ANKRD60: variants seen among roughly 807,000 people sequenced by gnomAD.
ANKRD60 encodes the protein ankyrin repeat domain 60.
Under a neutral mutation model 21.3 loss-of-function variants are expected in ANKRD60, and 24 were observed. The ratio of observed to expected loss-of-function variants is 1.13; its 90% CI spans 0.82 to 1.59. The LOEUF (loss-of-function observed/expected upper bound fraction) is 1.59, where lower values mean the gene tolerates loss of function less well. Ranked by LOEUF, ANKRD60 falls within the 40% of genes most tolerant of loss-of-function variation. The pLI is 0.00. For missense variants in ANKRD60, 490 were observed against 466.7 expected (o/e 1.05, Z -0.46); for synonymous variants, 182 against 199.4 (o/e 0.91, Z 0.74).
At chr20:58,223,060 G>T in exon 2 of ANKRD60, 1 of 1,547,626 alleles carries the variant, frequency 6.5e-7, no homozygotes, top group Non-Finnish European at 8.7e-7. Flanking sequence ...ACCTTGCTGG[G>T]ATCCCCTTCC....
Position 58,228,471 on chromosome 20 carries a change from G to C in ANKRD60, c.183C>G (p.Leu61=), listed in dbSNP as rs974659266. Residue 61 remains leucine (L), a synonymous_variant, in exon 1 of 4, where the codon CTC becomes CTG. Coordinates refer to ENST00000457363, the Ensembl canonical transcript of ANKRD60. The surrounding 1 kb of genome is among the most constrained non-coding windows in gnomAD (Gnocchi z 5.3). ...GGGCACAGGCCAGGGGCTGCGCGGGGAGGGCCCGCGAGTCCGCCGAGCCCA... is the reference window on the plus strand; with the variant it reads ...GGGCACAGGCCAGGGGCTGCGCGGGCAGGGCCCGCGAGTCCGCCGAGCCCA... 9.9e-6 allele frequency: 15 copies of C among 1,514,614 alleles called. No homozygotes were observed. Among genetic ancestry groups the C allele is most frequent in the Non-Finnish European group, 1.3e-5 (15 of 1,137,330 alleles). The allele number at this position is 1,514,614 out of a possible 1,614,324, so 93.8% of individuals were successfully genotyped here.
chr20:58,219,270 G>A (rs1182445505), intron 3 of ANKRD60, among the ~76,000 whole-genome samples: 2 of 152,054 alleles, frequency 1.3e-5, no homozygotes, highest in Non-Finnish European at 2.9e-5. Context: ...TCTTTCCTTG[G>A]GAAAATCTTC....
chr20:58,226,686 G>C (rs1228395517), intron 1 of ANKRD60, among the ~76,000 whole-genome samples: 1 of 152,066 alleles, frequency 6.6e-6, no homozygotes, highest in Admixed American at 6.5e-5. Context: ...TGAGCTTTGG[G>C]GTCCTGCTGT....
At chr20:58,224,146 G>C (rs1043830645) in intron 1 of ANKRD60, among the ~76,000 whole-genome samples, 7 of 151,920 alleles carry the variant, frequency 4.6e-5, no homozygotes, top group African/African-American at 1.7e-4. Flanking sequence ...GGCTCTGGGG[G>C]ACAAAATCTC....
At chr20:58,224,000 G>A (rs145528584) in intron 1 of ANKRD60, among the ~76,000 whole-genome samples, 2,477 of 152,226 alleles carry the variant, frequency 0.016, 33 homozygotes, top group Middle Eastern at 0.037. Context: ...TACTCAGGAG[G>A]CTGAGGTGGG....
At chr20:58,225,334 T>G (rs1042265495) in intron 1 of ANKRD60, among the ~76,000 whole-genome samples, 1 of 152,236 alleles carries the variant, frequency 6.6e-6, no homozygotes, top group Non-Finnish European at 1.5e-5. Context: ...GTTTGGGAAC[T>G]CTTACTAAGT....
intron 3 of ANKRD60, among the ~76,000 whole-genome samples, chr20:58,220,341 T>A (rs1158782310): frequency 6.6e-6 from 1 of 152,186 alleles, no homozygotes; most frequent in Non-Finnish European, 1.5e-5. Context: ...CCGCATTGAG[T>A]GGTCTGCATC....
At chr20:58,222,493 C>T (rs1416775515) in intron 2 of ANKRD60, among the ~76,000 whole-genome samples, 1 of 152,216 alleles carries the variant, frequency 6.6e-6, no homozygotes. Flanking sequence ...TAGCATTGCC[C>T]CTCGTGTCAC....
intron 2 of ANKRD60, among the ~76,000 whole-genome samples, chr20:58,222,183 A>C (rs765503802): frequency 5.3e-5 from 8 of 152,168 alleles, no homozygotes; most frequent in Non-Finnish European, 1.0e-4. Context: ...CCAAGCATGG[A>C]CCACACTGCT....
chr20:58,220,406 G>A (rs1041855247), intron 3 of ANKRD60, among the ~76,000 whole-genome samples: 6 of 152,014 alleles, frequency 3.9e-5, no homozygotes, highest in African/African-American at 1.2e-4. Flanking sequence ...AGGATAGAGT[G>A]TACACCTATG....
At chr20:58,220,683 A>AGT (rs36015489) in intron 3 of ANKRD60, among the ~76,000 whole-genome samples, 2,127 of 148,412 alleles carry the variant, frequency 0.014, 39 homozygotes, top group East Asian at 0.063. Context: ...GGTTTTTTCT[A>AGT]GTGTGTGTGT....
Position 58,218,778 on chromosome 20 carries a change from A to AG in ANKRD60, c.754dup (p.Leu252ProfsTer70). Reference sequence around the variant, plus strand: ...AGCCACATGCAGGGGTGTCCTGCCCAGGGGGGATCTGCTGAGGCAGCTGGC... The same window carrying AG: ...AGCCACATGCAGGGGTGTCCTGCCCAGGGGGGGATCTGCTGAGGCAGCTGGC... On this transcript the variant is annotated frameshift_variant, in exon 4 of 4. Coordinates refer to ENST00000457363, the Ensembl canonical transcript of ANKRD60. LOFTEE classifies it low-confidence loss of function (END_TRUNC). The AG allele has an allele frequency of 2.6e-6, 4 of 1,544,402 alleles. No homozygotes were observed. The highest frequency in any genetic ancestry group is 2.5e-5 in the East Asian group (1 of 40,780).
Position 58,218,546 on chromosome 20 carries a change from C to CT in ANKRD60, c.986dup (p.Arg330GlufsTer7). On this transcript the variant is annotated frameshift_variant, in exon 4 of 4. Coordinates refer to ENST00000457363, the Ensembl canonical transcript of ANKRD60. LOFTEE classifies it low-confidence loss of function (END_TRUNC). ...CAGACCTAAACCCAGACTTGACCCT[C>CT]TGCAAAGCATTCTTCATGACCAAGT... The CT allele has an allele frequency of 6.4e-7, 1 of 1,551,780 alleles. No homozygotes were observed. Among genetic ancestry groups the CT allele is most frequent in the Middle Eastern group, 1.7e-4 (1 of 5,992 alleles).
intron 2 of ANKRD60, among the ~76,000 whole-genome samples, chr20:58,221,800 T>A (rs2122805719): frequency 6.6e-6 from 1 of 152,172 alleles, no homozygotes; most frequent in South Asian, 2.1e-4. Context: ...TTGCCAGGTG[T>A]CCACAGGAAG....
chr20:58,216,514 C>T (rs1984139917), downstream of ANKRD60, among the ~76,000 whole-genome samples: 1 of 152,220 alleles, frequency 6.6e-6, no homozygotes, highest in Non-Finnish European at 1.5e-5. Context: ...TGGATTGCCC[C>T]ATTGGGTTGG....
At chr20:58,218,728 T>A (rs2122800404) in exon 4 of ANKRD60, 1 of 1,551,680 alleles carries the variant, frequency 6.4e-7, no homozygotes, top group African/African-American at 1.4e-5. Flanking sequence ...AGGAGGATTA[T>A]ACAGTCTGAC....
chr20:58,218,275 G>A (rs552907425), downstream of ANKRD60, among the ~76,000 whole-genome samples: 1 of 152,330 alleles, frequency 6.6e-6, no homozygotes, highest in South Asian at 2.1e-4. Context: ...GCTGGCATTA[G>A]AGCCTGTTCA....
rs1457707690 is a variant in ANKRD60, at chr20:58,228,460, G to A, written c.194C>T (p.Pro65Leu). Residue 65 changes from proline to leucine, a missense_variant, in exon 1 of 4, where the codon CCC becomes CTC. By Grantham distance (98) the Pro-to-Leu change is moderately conservative (BLOSUM62 -3). Transcript: ENST00000457363. This position sits in a 1 kb window ranked among gnomAD's most constrained non-coding sequence, Gnocchi z 5.3. ...GCTCCGGCCGCGGGCACAGGCCAGG[G>A]GCTGCGCGGGGAGGGCCCGCGAGTC... The A allele has an allele frequency of 4.6e-6, 7 of 1,530,716 alleles. No individual in the cohort carries two copies. The highest frequency in any genetic ancestry group is 1.4e-5 in the African/African-American group (1 of 71,978). 94.8% of individuals were successfully genotyped at this position (1,530,716 alleles called of 1,614,324 possible). A position where few individuals can be genotyped will look rare whatever the true frequency, so the allele number is the denominator to read the frequency against.
downstream of ANKRD60, among the ~76,000 whole-genome samples, chr20:58,218,125 A>T (rs1398726466): frequency 6.6e-6 from 1 of 152,176 alleles, no homozygotes; most frequent in Non-Finnish European, 1.5e-5. Context: ...ATACAATAAC[A>T]ATAGTGCTAT....
Sources: allele counts gnomAD v4.1 joint callset (sites outside exome capture counted in the v4.1 genomes callset), GRCh38; gene constraint gnomAD v4.1.1; non-coding constraint Gnocchi (gnomAD v3.1); transcripts MANE v1.5; gene names NCBI Gene and HGNC (gene_info 2026-07-23, HGNC 2026-07-21).